Variants in ZNF709 observed in about 807,000 individuals in gnomAD.
The protein encoded by ZNF709 is zinc finger protein 709.
A neutral mutation model predicts 10.6 loss-of-function variants in ZNF709; 15 were observed. The observed-to-expected ratio is 1.41, with a 90% CI of 0.95 to 2.18. ZNF709 has a LOEUF of 2.18. Ranked by LOEUF, ZNF709 falls within the 30% of genes most tolerant of loss-of-function variation. The probability of loss-of-function intolerance (pLI) is 0.00; values close to 1 mark genes in which losing one functional copy is unlikely to be tolerated. For synonymous variants in ZNF709, 194 were observed against 238.8 expected, an observed-to-expected ratio of 0.81 and a Z score of 1.73; for missense variants, 589 against 774.0, an observed-to-expected ratio of 0.76 and a Z score of 2.84.
Position 12,465,620 on chromosome 19 carries a change from G to A in ZNF709, c.302C>T (p.Pro101Leu), listed in dbSNP as rs1970563570. The change falls in exon 4 of 4, where the codon CCA becomes CTA. Residue 101 changes from proline to leucine, a missense_variant. Pro to Leu is a moderately conservative substitution (Grantham distance 98). This residue lies in a region of ZNF709 where 418 missense variants were observed against 496.3 expected (regional missense o/e 0.84). Coordinates refer to ENST00000397732, the MANE Select transcript of ZNF709 (RefSeq NM_152601.4). ...PNKKTFTRVK[P>L]YECSVCGKDY... ...CTTTCCACACACACTACATTCATAT[G>A]GTTTTACTCTAGTAAAAGTTTTCTT... 4.3e-6 allele frequency: 7 copies of A among 1,613,218 alleles called. No homozygotes were observed. The highest frequency in any genetic ancestry group is 1.3e-5 in the African/African-American group (1 of 74,856).
rs1375461803 is a variant in ZNF709 at position 12,463,919 on chromosome 19, T to A, written c.*77A>T. 21 of 1,186,018 alleles carry A rather than the reference T, an allele frequency of 1.8e-5. No individual in the cohort carries two copies. The highest frequency in any genetic ancestry group is 1.9e-5 in the Non-Finnish European group (17 of 916,606). 73.5% of individuals were successfully genotyped at this position (1,186,018 alleles called of 1,614,324 possible). On this transcript the variant is annotated 3_prime_UTR_variant, in exon 4 of 4. Coordinates refer to ENST00000397732, the MANE Select transcript of ZNF709 (RefSeq NM_152601.4). ...TCCAGCCAGGGCAACAGAGTGAGAA[T>A]TCAACTCAAAAAAAAAAAAAAAAAA...
intron 1 of ZNF709, among the ~76,000 whole-genome samples, chr19:12,475,050 G>A (rs918500296): frequency 6.6e-6 from 1 of 151,944 alleles, no homozygotes; most frequent in Non-Finnish European, 1.5e-5. Context: ...CTGAGGTCGG[G>A]AGTTGGACAC....
intron 1 of ZNF709, among the ~76,000 whole-genome samples, chr19:12,482,448 G>A (rs971830334): frequency 5.3e-5 from 8 of 152,044 alleles, no homozygotes; most frequent in Non-Finnish European, 1.0e-4. Flanking sequence ...CAGGGAAATC[G>A]CCCCTTCAAT....
chr19:12,465,327 T>C lies in ZNF709; in HGVS notation c.595A>G (p.Lys199Glu). ...THTGEKPYEC[K>E]ECGKAFIYHT... ...TAAATGAAGGCCTTCCCACATTCCT[T>C]ACATTCATAAGGTTTCTCTCCAGTA... is the stretch of plus-strand genomic sequence containing the variant. Residue 199 changes from lysine to glutamate, a missense_variant, in exon 4 of 4, where the codon AAG (lysine) becomes GAG (glutamate). Lys to Glu is a moderately conservative substitution (Grantham distance 56). Around this residue, in one of 2 missense-constraint regions of ZNF709, gnomAD observed 418 missense variants for 496.3 expected, o/e 0.84. Coordinates refer to ENST00000397732, the MANE Select transcript of ZNF709 (RefSeq NM_152601.4). The C allele has an allele frequency of 1.2e-6, 2 of 1,612,890 alleles. No individual in the cohort carries two copies. Among genetic ancestry groups the C allele is most frequent in the African/African-American group, 1.3e-5 (1 of 74,964 alleles).
chr19:12,464,159 T>C lies in ZNF709; in HGVS notation c.1763A>G (p.Tyr588Cys), dbSNP rs952866478. The C allele has an allele frequency of 2.5e-6, 4 of 1,572,752 alleles. No individual in the cohort carries two copies. Among genetic ancestry groups the C allele is most frequent in the South Asian group, 1.2e-5 (1 of 82,768 alleles). Residue 588 changes from tyrosine to cysteine, a missense_variant, in exon 4 of 4, where the codon TAT (tyrosine) becomes TGT (cysteine). Physicochemically the swap from Tyr to Cys is radical, Grantham distance 194. Transcript: ENST00000397732. ...GGCTTTGTCACATTGTTTACATTCA[T>C]AGGGTTTCACTCCAGTGTGAGTCCT... The part of the protein sequence containing the change: ...HERTHTGVKP[Y>C]ECKQCDKAFS...
intron 1 of ZNF709, among the ~76,000 whole-genome samples, chr19:12,477,814 C>A (rs890847262): frequency 2.6e-5 from 4 of 151,924 alleles, no homozygotes; most frequent in Non-Finnish European, 5.9e-5. Flanking sequence ...TCCTTCCTAA[C>A]ATGTTTGTTT....
chr19:12,467,163 T>G (rs531801229), intron 1 of ZNF709, among the ~76,000 whole-genome samples: 2 of 152,294 alleles, frequency 1.3e-5, no homozygotes, highest in East Asian at 3.9e-4. Context: ...CTCCCTCTCT[T>G]TCCACGGTCT....
At chr19:12,480,270 A>G (rs1033295895) in intron 1 of ZNF709, among the ~76,000 whole-genome samples, 2 of 152,206 alleles carry the variant, frequency 1.3e-5, no homozygotes, top group African/African-American at 4.8e-5. Context: ...GTGTCCTACC[A>G]TCTCACACTG....
At chr19:12,470,720 G>A (rs1355839561) in intron 1 of ZNF709, among the ~76,000 whole-genome samples, 1 of 152,082 alleles carries the variant, frequency 6.6e-6, no homozygotes, top group Non-Finnish European at 1.5e-5. Flanking sequence ...AAGGTCAGGA[G>A]ATCGAGACCA....
chr19:12,476,374 A>G (rs915512488), intron 1 of ZNF709, among the ~76,000 whole-genome samples: 10 of 151,114 alleles, frequency 6.6e-5, no homozygotes, highest in African/African-American at 2.4e-4. Flanking sequence ...CCTGGGCAAG[A>G]GGGAGAACTT....
intron 1 of ZNF709, chr19:12,481,198 AAAAG>A: frequency 1.0e-6 from 1 of 984,282 alleles, no homozygotes; most frequent in Non-Finnish European, 1.2e-6. Context: ...TCTCTTGCCT[AAAAG>A]AAACAAATAT....
At position 12,473,022 on chromosome 19, in the gene ZNF709, T is replaced by C. The variant is rs1970647159; in HGVS notation, c.4-6172A>G. On this transcript the variant is annotated intron_variant, in intron 1 of 3. Coordinates refer to ENST00000397732, the MANE Select transcript of ZNF709 (RefSeq NM_152601.4). The stretch of plus-strand genomic sequence containing the variant: ...CCCAAGTATTGATGACCACTGCCAA[T>C]AGACAAATAGTTATGCATGAATGGA... Among the ~76,000 whole-genome samples the C allele has an allele frequency of 2.0e-5, 3 of 152,318 alleles. No homozygotes were observed. The South Asian group carries it at 6.2e-4, about 32-fold the overall frequency.
At position 12,467,266 on chromosome 19, in the gene ZNF709, T is replaced by C. The variant is rs535895584; in HGVS notation, c.4-416A>G. On this transcript the variant is annotated intron_variant, in intron 1 of 3. Transcript: ENST00000397732. ...GATTCTCCTGCCTCAGCCTGCCGAG[T>C]GCCTGCGATTGCAGGCGCGCGCGCC... Among the ~76,000 whole-genome samples, 10 of 152,314 alleles carry C rather than the reference T, an allele frequency of 6.6e-5. No individual in the cohort carries two copies. In the East Asian group the frequency reaches 1.2e-3, roughly 18 times the overall value.
chr19:12,464,326 A>G lies in ZNF709; in HGVS notation c.1596T>C (p.Tyr532=), dbSNP rs1970545116. 1 of 1,610,196 alleles carries G rather than the reference A, an allele frequency of 6.2e-7. No homozygotes were observed. Among genetic ancestry groups the G allele is most frequent in the East Asian group, 2.2e-5 (1 of 44,832 alleles). The part of the protein sequence containing the change: ...HERTHTGEKP[Y]ECKQCGKAFS... The stretch of plus-strand genomic sequence containing the variant: ...ACGCCTTACCACACTGTTTACATTC[A>G]TAGGGTTTCTCCCCAGTGTGAGTCC... Residue 532 remains tyrosine (Y), a synonymous_variant, in exon 4 of 4, where the codon TAT becomes TAC. Transcript: ENST00000397732.
At chr19:12,484,615 CCTCT>C (rs1348058977) in intron 1 of ZNF709, 36 bp downstream of exon 1, 1 of 1,612,350 alleles carries the variant, frequency 6.2e-7, no homozygotes, top group African/African-American at 1.3e-5. Flanking sequence ...TCAACCCGCC[CCTCT>C]CTCCCATCTC....
intron 1 of ZNF709, among the ~76,000 whole-genome samples, chr19:12,468,401 C>G (rs1007110319): frequency 6.6e-6 from 1 of 151,878 alleles, no homozygotes; most frequent in East Asian, 1.9e-4. Flanking sequence ...TACCCCCAAC[C>G]CTGTGCTCTC....
At position 12,464,630 on chromosome 19, in the gene ZNF709, C is replaced by T. The variant is rs758999654; in HGVS notation, c.1292G>A (p.Cys431Tyr). The T allele has an allele frequency of 1.2e-6, 2 of 1,611,594 alleles. No individual in the cohort carries two copies. The highest frequency in any genetic ancestry group is 1.7e-6 in the Non-Finnish European group (2 of 1,179,006). The stretch of plus-strand genomic sequence containing the variant: ...TTCATGTATTCGAACAGAACTGGAA[C>T]AACTGAAGGCTTTACCACATTGTTT... ...ECKQCGKAFS[C>Y]SSSVRIHERT... The change falls in exon 4 of 4, where the codon TGT (cysteine) becomes TAT (tyrosine). Residue 431 changes from cysteine to tyrosine, a missense_variant. Cys to Tyr is a radical substitution (Grantham distance 194, BLOSUM62 -2). Transcript: ENST00000397732.
chr19:12,484,758 G>A lies in ZNF709; in HGVS notation c.-101C>T, dbSNP rs541775575. The A allele has an allele frequency of 7.2e-6, 11 of 1,529,278 alleles. No individual in the cohort carries two copies. Among genetic ancestry groups the A allele is most frequent in the African/African-American group, 1.4e-5 (1 of 73,200 alleles). 94.7% of individuals were successfully genotyped at this position (1,529,278 alleles called of 1,614,324 possible). A position where few individuals can be genotyped will look rare whatever the true frequency, so the allele number is the denominator to read the frequency against. On this transcript the variant is annotated 5_prime_UTR_variant, in exon 1 of 4. Coordinates refer to ENST00000397732, the MANE Select transcript of ZNF709 (RefSeq NM_152601.4). ...CCCTTCCTCCACCTGAGGGCCTTCT[G>A]GGGTGAGGAGACCCCAGAGCGGAGC...
At position 12,463,614 on chromosome 19, in the gene ZNF709, T is replaced by C. The variant is rs1470699876; in HGVS notation, c.*382A>G. On this transcript the variant is annotated 3_prime_UTR_variant, in exon 4 of 4. Coordinates refer to ENST00000397732, the MANE Select transcript of ZNF709 (RefSeq NM_152601.4). Reference sequence around the variant, plus strand: ...TGTCTTATAGGGTTTCTCTGAAATATGAATAATTTCATGTCTTCAAAAGGA... The same window carrying C: ...TGTCTTATAGGGTTTCTCTGAAATACGAATAATTTCATGTCTTCAAAAGGA... The C allele has an allele frequency of 6.3e-6, 1 of 159,264 alleles. No individual in the cohort carries two copies. Among genetic ancestry groups the C allele is most frequent in the Admixed American group, 6.4e-5 (1 of 15,516 alleles). The allele number at this position is 159,264 out of a possible 1,614,324, so 9.9% of individuals were successfully genotyped here.
Sources: gnomAD v4.1 joint callset for allele counts (sites outside exome capture counted in the v4.1 genomes callset) on GRCh38, gnomAD v4.1.1 for gene constraint, gnomAD v4.1.1 regional missense constraint, MANE v1.5 for transcripts, NCBI Gene and HGNC (gene_info 2026-07-23, HGNC 2026-07-21) for gene names.